The following ARHGAP6 variants were observed in gnomAD, a reference collection of about 807,000 sequenced individuals.
ARHGAP6 encodes the protein rho GTPase-activating protein 6.
In ARHGAP6, 16 loss-of-function variants were observed where a neutral mutation model predicts 55.7. The ratio of observed to expected loss-of-function variants is 0.29; its 90% confidence interval spans 0.19 to 0.44. The LOEUF (loss-of-function observed/expected upper bound fraction) is 0.44, where lower values mean the gene tolerates loss of function less well. Ranked by LOEUF, ARHGAP6 falls within the 20% of genes least tolerant of loss-of-function variation. The pLI, the probability that ARHGAP6 is intolerant of heterozygous loss-of-function variation, is 1.00. For synonymous variants in ARHGAP6, 382 were observed against 360.9 expected (o/e 1.06, Z -0.66); for missense variants, 698 against 808.9 (o/e 0.86, Z 1.66).
chrX:11,378,160 C>T (rs1318915544), intron 1 of ARHGAP6, among the ~76,000 whole-genome samples: 1 of 112,184 alleles, frequency 8.9e-6, no homozygotes, highest in Admixed American at 9.4e-5. Context: ...TGAAAACAGC[C>T]CCCTCCAGGG....
At chrX:11,255,051 A>C (rs1452292490) in intron 1 of ARHGAP6, among the ~76,000 whole-genome samples, 1 of 111,680 alleles carries the variant, frequency 9.0e-6, no homozygotes, top group African/African-American at 3.3e-5. Context: ...TGCTGCTGCT[A>C]ATTGCCATCA....
chrX:11,337,743 C>T (rs926651567), intron 1 of ARHGAP6, among the ~76,000 whole-genome samples: 4 of 112,427 alleles, frequency 3.6e-5, no homozygotes, highest in African/African-American at 1.3e-4. Context: ...AGCATAGAAC[C>T]AAGTCAACAG....
intron 1 of ARHGAP6, among the ~76,000 whole-genome samples, chrX:11,357,398 C>G (rs1337238783): frequency 9.0e-6 from 1 of 111,513 alleles, no homozygotes; most frequent in Non-Finnish European, 1.9e-5. Context: ...GGTCCTGATT[C>G]ATGGAGATTC....
rs778441921 is a variant in ARHGAP6, at chrX:11,298,625, C to T, written c.589-43918G>A. On this transcript the variant is annotated intron_variant, in intron 1 of 12. Transcript: ENST00000337414. ...TCCCCGTGCTGTCCCAACAGCACCCCCCGACTCACACCCTGCAGCCTCATC... is the reference window on the plus strand; with the variant it reads ...TCCCCGTGCTGTCCCAACAGCACCCTCCGACTCACACCCTGCAGCCTCATC... 15 of 1,208,415 alleles carry T rather than the reference C, an allele frequency of 1.2e-5. 1 individual carries two copies. The highest frequency in any genetic ancestry group is 3.5e-5 in the African/African-American group (2 of 56,594).
At chrX:11,402,920 CA>C (rs1256989673) in intron 1 of ARHGAP6, among the ~76,000 whole-genome samples, 1 of 111,464 alleles carries the variant, frequency 9.0e-6, no homozygotes, top group African/African-American at 3.3e-5. Context: ...GGGTGATCAC[CA>C]AAATAAATAG....
chrX:11,257,866 G>A (rs190533821), intron 1 of ARHGAP6, among the ~76,000 whole-genome samples: 2 of 111,978 alleles, frequency 1.8e-5, no homozygotes, highest in East Asian at 2.8e-4. Context: ...GTGTTTCAAT[G>A]GAGGCTTGAA....
chrX:11,587,798 A>G (rs931063724), intron 1 of ARHGAP6, among the ~76,000 whole-genome samples: 3 of 111,822 alleles, frequency 2.7e-5, no homozygotes, highest in Non-Finnish European at 5.6e-5. Flanking sequence ...AAAGGAATTA[A>G]CTCCTTAATG....
chrX:11,183,546 A>G (rs779829928), intron 5 of ARHGAP6, among the ~76,000 whole-genome samples: 2 of 112,221 alleles, frequency 1.8e-5, no homozygotes, highest in African/African-American at 6.5e-5. Context: ...ATAGCATTAA[A>G]TTTCCAGTCA....
intron 1 of ARHGAP6, among the ~76,000 whole-genome samples, chrX:11,423,734 C>T (rs1293484463): frequency 8.9e-6 from 1 of 112,563 alleles, no homozygotes; most frequent in African/African-American, 3.2e-5. Flanking sequence ...CATAGTACTA[C>T]TCCCAGCAAG....
intron 1 of ARHGAP6, among the ~76,000 whole-genome samples, chrX:11,360,447 A>C (rs1186115508): frequency 1.8e-5 from 2 of 109,539 alleles, no homozygotes; most frequent in Non-Finnish European, 3.8e-5. Flanking sequence ...CCTTTGACAA[A>C]ATTCAACAAC....
At chrX:11,354,880 C>A (rs1203635764) in intron 1 of ARHGAP6, among the ~76,000 whole-genome samples, 1 of 111,275 alleles carries the variant, frequency 9.0e-6, no homozygotes, top group African/African-American at 3.3e-5. Context: ...TTTTACTAGA[C>A]AACTAAGCTA....
At chrX:11,521,910 C>T (rs1603241219) in intron 1 of ARHGAP6, among the ~76,000 whole-genome samples, 2 of 111,572 alleles carry the variant, frequency 1.8e-5, no homozygotes, top group East Asian at 2.8e-4. Flanking sequence ...ATTTTATTCT[C>T]TTTGAAGCAA....
intron 1 of ARHGAP6, among the ~76,000 whole-genome samples, chrX:11,525,067 A>T (rs2050975413): frequency 8.9e-6 from 1 of 111,763 alleles, no homozygotes; most frequent in Admixed American, 9.5e-5. Context: ...AGTTTCACTC[A>T]TATGTCCATC....
At chrX:11,393,948 T>C (rs1362497280) in intron 1 of ARHGAP6, among the ~76,000 whole-genome samples, 1 of 111,972 alleles carries the variant, frequency 8.9e-6, no homozygotes, top group Non-Finnish European at 1.9e-5. Context: ...TTGGTAGTAA[T>C]TGAACTCAAA....
intron 2 of ARHGAP6, among the ~76,000 whole-genome samples, chrX:11,240,012 T>C (rs921513149): frequency 8.9e-6 from 1 of 112,269 alleles, no homozygotes; most frequent in South Asian, 3.7e-4. Context: ...CCAGATATTT[T>C]ATTTCCAGTT....
chrX:11,602,791 G>T (rs2051992454), intron 1 of ARHGAP6, among the ~76,000 whole-genome samples: 2 of 112,028 alleles, frequency 1.8e-5, no homozygotes, highest in Admixed American at 1.9e-4. Flanking sequence ...ACCTCTGTGT[G>T]GTCAATTACC....
At position 11,651,635 on chromosome X, in the gene ARHGAP6, T is replaced by C. The variant is rs1371289215; in HGVS notation, c.588+12606A>G. ...TGTATCTTTATAAAAGAAAGACTTATACTCCTTTGGGTATATACCGAGTAA... is the reference window on the plus strand; with the variant it reads ...TGTATCTTTATAAAAGAAAGACTTACACTCCTTTGGGTATATACCGAGTAA... On this transcript the variant is annotated intron_variant, in intron 1 of 12. Transcript: ENST00000337414. Among the ~76,000 whole-genome samples, 4 of 111,932 alleles carry C rather than the reference T, an allele frequency of 3.6e-5. No individual in the cohort carries two copies. In the South Asian group the frequency reaches 1.1e-3, roughly 31 times the overall value.
chrX:11,274,353 AC>A (rs1359347941), intron 1 of ARHGAP6, among the ~76,000 whole-genome samples: 1 of 111,691 alleles, frequency 9.0e-6, no homozygotes, highest in Non-Finnish European at 1.9e-5. Context: ...TTATTGGAAA[AC>A]AACCACACCC....
At chrX:11,160,888 A>T (rs773751126) in intron 9 of ARHGAP6, among the ~76,000 whole-genome samples, 1 of 112,376 alleles carries the variant, frequency 8.9e-6, no homozygotes, top group Non-Finnish European at 1.9e-5. Flanking sequence ...CATAAAAAAG[A>T]CATAGTTTAA....
Sources: gnomAD v4.1 joint callset for allele counts (sites outside exome capture counted in the v4.1 genomes callset) on GRCh38, gnomAD v4.1.1 for gene constraint, MANE v1.5 for transcripts, NCBI Gene and HGNC (gene_info 2026-07-23, HGNC 2026-07-21) for gene names.